NXPH1: variants seen among roughly 807,000 people sequenced by gnomAD.
NXPH1 encodes neurexophilin-1.
Under a neutral mutation model 23.7 loss-of-function variants are expected in NXPH1, and 5 were observed. That is an observed-to-expected ratio of 0.21 (90% CI 0.11 to 0.44). The LOEUF (loss-of-function observed/expected upper bound fraction) is 0.44, where lower values mean the gene tolerates loss of function less well. NXPH1 is among the 20% of genes least tolerant of loss of function. The pLI is 0.99. For synonymous variants in NXPH1, 144 were observed against 122.2 expected (o/e 1.18, Z -1.18); for missense variants, 324 against 321.6 (o/e 1.01, Z -0.06).
chr7:8,448,372 G>A (rs1176944482), intron 2 of NXPH1, among the ~76,000 whole-genome samples: 1 of 152,212 alleles, frequency 6.6e-6, no homozygotes, highest in Non-Finnish European at 1.5e-5. Flanking sequence ...CAGTCCTTAT[G>A]AATATGACAC....
At chr7:8,527,049 CA>C (rs34797196) in intron 2 of NXPH1, among the ~76,000 whole-genome samples, 104,937 of 151,004 alleles carry the variant, frequency 0.69, 36,392 homozygotes, top group Middle Eastern at 0.71. Flanking sequence ...TGCCCCTTAC[CA>C]AAAAAAAAAT....
chr7:8,724,168 G>A (rs1780012732), intron 2 of NXPH1, among the ~76,000 whole-genome samples: 1 of 152,100 alleles, frequency 6.6e-6, no homozygotes. Context: ...TTCCCACAGA[G>A]TGCCTCAGCC....
At chr7:8,601,750 G>T (rs548402737) in intron 2 of NXPH1, among the ~76,000 whole-genome samples, 1 of 152,294 alleles carries the variant, frequency 6.6e-6, no homozygotes, top group Non-Finnish European at 1.5e-5. Context: ...TCTGTGATGA[G>T]AAACTCCTTC....
chr7:8,691,124 G>T (rs1338194745), intron 2 of NXPH1, among the ~76,000 whole-genome samples: 1 of 152,024 alleles, frequency 6.6e-6, no homozygotes, highest in African/African-American at 2.4e-5. Flanking sequence ...TTTCCAATGA[G>T]TTCTTTTTAG....
At chr7:8,667,828 CT>C (rs966028673) in intron 2 of NXPH1, among the ~76,000 whole-genome samples, 15 of 152,048 alleles carry the variant, frequency 9.9e-5, no homozygotes, top group African/African-American at 3.6e-4. Context: ...AATATTTGAT[CT>C]TTTAAAGCTG....
intron 2 of NXPH1, among the ~76,000 whole-genome samples, chr7:8,504,918 A>G (rs1238250069): frequency 5.3e-5 from 8 of 152,028 alleles, no homozygotes; most frequent in Admixed American, 4.6e-4. Flanking sequence ...AGAACTGTGA[A>G]AAATAAATAT....
chr7:8,730,073 T>G (rs1483210912), intron 2 of NXPH1, among the ~76,000 whole-genome samples: 1 of 152,156 alleles, frequency 6.6e-6, no homozygotes, highest in African/African-American at 2.4e-5. Context: ...CTTGTTGAAT[T>G]GATCCCTTTA....
At chr7:8,667,749 G>T (rs111660243) in intron 2 of NXPH1, among the ~76,000 whole-genome samples, 3,965 of 152,024 alleles carry the variant, frequency 0.026, 69 homozygotes, top group Non-Finnish European at 0.041. Context: ...AGTTTTCTGT[G>T]ATCACTTATT....
At chr7:8,715,695 G>A (rs1003482673) in intron 2 of NXPH1, among the ~76,000 whole-genome samples, 5 of 152,224 alleles carry the variant, frequency 3.3e-5, no homozygotes, top group Admixed American at 1.3e-4. Flanking sequence ...GAAAACACAC[G>A]GGTTAGATAA....
intron 2 of NXPH1, among the ~76,000 whole-genome samples, chr7:8,564,068 A>G (rs567945066): frequency 6.6e-6 from 1 of 151,818 alleles, no homozygotes; most frequent in South Asian, 2.1e-4. Flanking sequence ...CCCACCTCCA[A>G]TCCTTCCTCT....
At chr7:8,736,693 T>C (rs895442132) in intron 2 of NXPH1, among the ~76,000 whole-genome samples, 4 of 152,206 alleles carry the variant, frequency 2.6e-5, no homozygotes, top group Admixed American at 6.5e-5. Flanking sequence ...TTGTTAGTTT[T>C]CTGTCTCATT....
intron 2 of NXPH1, among the ~76,000 whole-genome samples, chr7:8,624,135 G>T (rs989918636): frequency 1.3e-5 from 2 of 152,116 alleles, no homozygotes; most frequent in African/African-American, 4.8e-5. Flanking sequence ...GTGATAATTG[G>T]TAGCACAGGG....
chr7:8,591,565 C>T (rs909122699), intron 2 of NXPH1, among the ~76,000 whole-genome samples: 1 of 152,040 alleles, frequency 6.6e-6, no homozygotes, highest in Non-Finnish European at 1.5e-5. Context: ...CCAATATGAA[C>T]ATTCTTCTTC....
chr7:8,512,986 C>T (rs1181777248), intron 2 of NXPH1, among the ~76,000 whole-genome samples: 1 of 152,192 alleles, frequency 6.6e-6, no homozygotes, highest in African/African-American at 2.4e-5. Context: ...GAAGATGAAG[C>T]TATACAGTAT....
intron 2 of NXPH1, among the ~76,000 whole-genome samples, chr7:8,658,178 A>G (rs1012178487): frequency 1.2e-4 from 18 of 152,342 alleles, no homozygotes; most frequent in African/African-American, 4.1e-4. Context: ...TTCTATGTCC[A>G]TGTATACTTT....
chr7:8,585,933 C>T (rs925556134), intron 2 of NXPH1, among the ~76,000 whole-genome samples: 1 of 152,152 alleles, frequency 6.6e-6, no homozygotes, highest in Admixed American at 6.5e-5. Flanking sequence ...AACCCTAGAA[C>T]TGTTTCTTCC....
chr7:8,739,159 G>C (rs537155837), intron 2 of NXPH1, among the ~76,000 whole-genome samples: 1 of 118,962 alleles, frequency 8.4e-6, no homozygotes, highest in Non-Finnish European at 1.6e-5. Context: ...GGAGTTCCAG[G>C]CACCAGTGGG....
intron 2 of NXPH1, among the ~76,000 whole-genome samples, chr7:8,560,831 A>G (rs1818431728): frequency 6.6e-6 from 1 of 151,642 alleles, no homozygotes. Flanking sequence ...TCAATTTGCT[A>G]AGGTTTTTAA....
intron 2 of NXPH1, among the ~76,000 whole-genome samples, chr7:8,622,255 C>T (rs1819891664): frequency 6.6e-6 from 1 of 152,168 alleles, no homozygotes; most frequent in Non-Finnish European, 1.5e-5. Flanking sequence ...ATTATTATTT[C>T]ATTTTTCCCC....
Sources: allele counts gnomAD v4.1 joint callset (sites outside exome capture counted in the v4.1 genomes callset), GRCh38; gene constraint gnomAD v4.1.1; transcripts MANE v1.5; gene names NCBI Gene and HGNC (gene_info 2026-07-23, HGNC 2026-07-21).